The following AFG2A variants were observed in gnomAD, a reference collection of about 807,000 sequenced individuals.
The protein encoded by AFG2A is AAA ATPase AFG2A.
At chr4:123,078,553 A>G in the AFG2A span, among the ~76,000 whole-genome samples, 5 of 152,218 alleles carry the variant, frequency 3.3e-5, no homozygotes, top group Non-Finnish European at 4.4e-5. Flanking sequence ...TAGGCTTAGT[A>G]GAAGAACTAA....
the AFG2A span, among the ~76,000 whole-genome samples, chr4:123,113,170 A>G: frequency 1.3e-5 from 2 of 151,800 alleles, no homozygotes; most frequent in Admixed American, 6.6e-5. Context: ...ATTGGTTTTG[A>G]GTTTGACTTA....
the AFG2A span, chr4:123,318,994 G>A: frequency 6.6e-6 from 1 of 152,098 alleles, no homozygotes; most frequent in African/African-American, 2.4e-5. Context: ...TCTTTTTAGT[G>A]TTCCAGGAGA....
the AFG2A span, among the ~76,000 whole-genome samples, chr4:123,134,213 T>A: frequency 6.8e-4 from 104 of 152,272 alleles, no homozygotes; most frequent in Non-Finnish European, 1.0e-3. Flanking sequence ...TCTCTTAGGT[T>A]TTCTTCTAGT....
the AFG2A span, among the ~76,000 whole-genome samples, chr4:123,092,517 G>C: frequency 2.0e-5 from 3 of 152,244 alleles, no homozygotes; most frequent in South Asian, 6.2e-4. Context: ...TGTCTGACTT[G>C]GCCTGTTTAG....
the AFG2A span, among the ~76,000 whole-genome samples, chr4:123,136,504 T>TAA: frequency 3.5e-5 from 5 of 144,788 alleles, no homozygotes; most frequent in African/African-American, 1.3e-4. Flanking sequence ...CCGTCTCTAC[T>TAA]AAAAAAAAAA....
At chr4:123,036,190 A>G in the AFG2A span, among the ~76,000 whole-genome samples, 7 of 152,212 alleles carry the variant, frequency 4.6e-5, no homozygotes, top group Admixed American at 2.0e-4. Context: ...TCAACTCATT[A>G]TTTAGTGGGA....
chr4:123,318,888 T>C, the AFG2A span: 1 of 152,206 alleles, frequency 6.6e-6, no homozygotes, highest in Non-Finnish European at 1.5e-5. Flanking sequence ...CAGCTTCCTG[T>C]CTTAGGAAGA....
the AFG2A span, among the ~76,000 whole-genome samples, chr4:122,983,616 T>G: frequency 6.9e-6 from 1 of 145,296 alleles, no homozygotes; most frequent in Admixed American, 6.8e-5. Context: ...GATTTTCCAA[T>G]TTTTTTTTCC....
At chr4:122,941,668 A>G in the AFG2A span, among the ~76,000 whole-genome samples, 1 of 151,908 alleles carries the variant, frequency 6.6e-6, no homozygotes, top group Admixed American at 6.5e-5. Context: ...TTCCAACACT[A>G]TGTTGAATAG....
At chr4:123,251,512 G>A in the AFG2A span, among the ~76,000 whole-genome samples, 4 of 152,052 alleles carry the variant, frequency 2.6e-5, no homozygotes, top group Non-Finnish European at 5.9e-5. Flanking sequence ...GTACGACCTT[G>A]GGCCTCATTT....
the AFG2A span, among the ~76,000 whole-genome samples, chr4:123,282,773 A>T: frequency 3.5e-4 from 4 of 11,426 alleles, no homozygotes; most frequent in African/African-American, 5.0e-4. Flanking sequence ...ATTTAAAATT[A>T]AAAAAAAAAA....
At chr4:122,978,704 C>A in the AFG2A span, among the ~76,000 whole-genome samples, 124,593 of 152,092 alleles carry the variant, frequency 0.82, 52,533 homozygotes, top group East Asian at 0.96. Context: ...CTGCGCCAAG[C>A]CACCCTCAGC....
chr4:123,240,598 C>A, the AFG2A span, among the ~76,000 whole-genome samples: 1 of 152,160 alleles, frequency 6.6e-6, no homozygotes, highest in African/African-American at 2.4e-5. Context: ...AACAAAGACA[C>A]AACGTACCAG....
At chr4:123,299,151 GTC>G in the AFG2A span, among the ~76,000 whole-genome samples, 1 of 151,388 alleles carries the variant, frequency 6.6e-6, no homozygotes. Context: ...GTGTGTGTGT[GTC>G]TGTGCACGCA....
the AFG2A span, among the ~76,000 whole-genome samples, chr4:123,267,167 GTGGTTACCTTGTTC>G: frequency 1.3e-5 from 2 of 152,024 alleles, no homozygotes; most frequent in African/African-American, 4.8e-5. Context: ...CTGCAATGCA[GTGGTTACCTTGTTC>G]TTAAGGAAAC....
chr4:122,964,266 G>T, the AFG2A span, among the ~76,000 whole-genome samples: 1 of 152,110 alleles, frequency 6.6e-6, no homozygotes, highest in Non-Finnish European at 1.5e-5. Flanking sequence ...CACTTCGGGA[G>T]GCTGAGGCGG....
chr4:123,271,878 T>G, the AFG2A span, among the ~76,000 whole-genome samples: 2 of 134,498 alleles, frequency 1.5e-5, no homozygotes, highest in African/African-American at 5.3e-5. Flanking sequence ...TTTTTTTTTT[T>G]TCATGCCCCA....
At chr4:123,089,741 C>T in the AFG2A span, among the ~76,000 whole-genome samples, 16 of 152,074 alleles carry the variant, frequency 1.1e-4, no homozygotes, top group South Asian at 2.1e-4. Flanking sequence ...CATACTACCA[C>T]ACCTGACTAA....
chr4:123,074,095 ATT>A, the AFG2A span, among the ~76,000 whole-genome samples: 37 of 102,060 alleles, frequency 3.6e-4, no homozygotes, highest in African/African-American at 1.1e-3. Flanking sequence ...CTCAGATAGT[ATT>A]TTTTTTTTTT....
Sources: allele counts gnomAD v4.1 joint callset (sites outside exome capture counted in the v4.1 genomes callset), GRCh38; gene constraint gnomAD v4.1.1; transcripts MANE v1.5; gene names NCBI Gene and HGNC (gene_info 2026-07-23, HGNC 2026-07-21).